SCN7A: variants seen among roughly 807,000 people sequenced by gnomAD.
SCN7A encodes the protein sodium voltage-gated channel alpha subunit 7.
SCN7A carries 138 observed loss-of-function variants against 155.2 expected under a neutral mutation model. That is an observed-to-expected ratio of 0.89 (90% CI 0.77 to 1.02). SCN7A has a LOEUF of 1.02. Among genes scored for constraint, SCN7A ranks in the 50% least tolerant of loss-of-function variants. SCN7A has a pLI of 0.00. For missense variants in SCN7A, 2,058 were observed against 1,986.6 expected (o/e 1.04, Z -0.68); for synonymous variants, 693 against 649.0 (o/e 1.07, Z -1.03).
chr2:166,419,282 C>A (rs1429770185), intron 20 of SCN7A, among the ~76,000 whole-genome samples: 3 of 151,222 alleles, frequency 2.0e-5, no homozygotes, highest in Non-Finnish European at 4.4e-5. Context: ...AGTAAATAGG[C>A]CCTCTGTAGT....
At chr2:166,481,076 A>G (rs1305958421) in intron 2 of SCN7A, among the ~76,000 whole-genome samples, 1 of 152,220 alleles carries the variant, frequency 6.6e-6, no homozygotes, top group African/African-American at 2.4e-5. Context: ...CAAGTTATCT[A>G]TATTCGATAT....
At chr2:166,428,024 C>A (rs1187673912) in intron 17 of SCN7A, 82 bp from the exon 18 acceptor site, 18 of 1,313,328 alleles carry the variant, frequency 1.4e-5, no homozygotes, top group South Asian at 1.3e-5. Flanking sequence ...CTATGTGCCA[C>A]AGCAATTATT....
chr2:166,432,710 A>G lies in SCN7A; in HGVS notation c.2200T>C (p.Cys734Arg), dbSNP rs762551594. The G allele has an allele frequency of 1.5e-5, 24 of 1,573,114 alleles. No individual in the cohort carries two copies. The highest frequency in any genetic ancestry group is 2.0e-5 in the Non-Finnish European group (23 of 1,164,414). Residue 734 changes from cysteine (C) to arginine (R), a missense_variant, in exon 16 of 26, where the codon TGC (cysteine) becomes CGC (arginine). Coordinates refer to ENST00000643258, the MANE Select transcript of SCN7A (RefSeq NM_002976.4). Reference protein sequence around the residue: ...FLALVSSFSSCKDVTAEENNE... With the variant: ...FLALVSSFSSRKDVTAEENNE... ...TTCTCTTCAGCTGTTACATCCTTGCATGAACTAAATGAGCTCACCAATGCC... is the reference window on the plus strand; with the variant it reads ...TTCTCTTCAGCTGTTACATCCTTGCGTGAACTAAATGAGCTCACCAATGCC...
intron 21 of SCN7A, among the ~76,000 whole-genome samples, chr2:166,414,079 ATATATGTAAATATATATAATATAT>A (rs1209200845): frequency 4.4e-5 from 2 of 44,996 alleles, no homozygotes; most frequent in Non-Finnish European, 1.0e-4. Flanking sequence ...ATATATGTAA[ATATATGTAAATATATATAATATAT>A]TATATATAAA....
chr2:166,439,051 G>GTATATA (rs1200483058), intron 15 of SCN7A, among the ~76,000 whole-genome samples: 1 of 67,496 alleles, frequency 1.5e-5, no homozygotes, highest in Non-Finnish European at 2.7e-5. Context: ...ATGTGTGTGT[G>GTATATA]TGTGTATATA....
chr2:166,435,583 G>A (rs928918711), intron 15 of SCN7A, among the ~76,000 whole-genome samples: 2 of 152,014 alleles, frequency 1.3e-5, no homozygotes, highest in African/African-American at 4.8e-5. Context: ...CAAGATTTAA[G>A]TAAGTACTTT....
Position 166,427,587 on chromosome 2 carries a change from T to G in SCN7A, c.2853+201A>C, listed in dbSNP as rs536412572. ...AATATATTAAAAATCAATATTAAATTTAATATTGAATGATGCATATATAAA... is the reference window on the plus strand; with the variant it reads ...AATATATTAAAAATCAATATTAAATGTAATATTGAATGATGCATATATAAA... On this transcript the variant is annotated intron_variant, in intron 18 of 25. Transcript: ENST00000643258. Among the ~76,000 whole-genome samples the G allele has an allele frequency of 3.9e-5, 6 of 152,140 alleles. 1 individual carries two copies. The South Asian group carries it at 1.2e-3, about 32-fold the overall frequency.
chr2:166,449,390 G>T (rs1702131698), intron 11 of SCN7A, among the ~76,000 whole-genome samples: 1 of 152,032 alleles, frequency 6.6e-6, no homozygotes, highest in African/African-American at 2.4e-5. Context: ...AATGGTTGAG[G>T]CTTGCCAATA....
At chr2:166,488,711 C>T (rs912978997) in intron 1 of SCN7A, among the ~76,000 whole-genome samples, 1 of 151,406 alleles carries the variant, frequency 6.6e-6, no homozygotes, top group Non-Finnish European at 1.5e-5. Flanking sequence ...AACCTTGGCT[C>T]ACTGCAACCT....
chr2:166,447,468 C>T, intron 12 of SCN7A, 144 bp downstream of exon 12: 1 of 541,772 alleles, frequency 1.8e-6, no homozygotes, highest in Non-Finnish European at 3.2e-6. Flanking sequence ...AATTTTTATA[C>T]ATGGTTTATC....
chr2:166,429,002 G>T (rs900630410), intron 17 of SCN7A, among the ~76,000 whole-genome samples, 167 bp downstream of exon 17: 1 of 151,944 alleles, frequency 6.6e-6, no homozygotes, highest in Non-Finnish European at 1.5e-5. Flanking sequence ...GCCTATAACT[G>T]TCAGAGGAAA....
At chr2:166,427,971 AATCTAGAAAAC>A in intron 17 of SCN7A, 29 bp from the exon 18 acceptor site, 1 of 1,605,676 alleles carries the variant, frequency 6.2e-7, no homozygotes. Flanking sequence ...TAAGAACAAC[AATCTAGAAAAC>A]TCATGAAAAA....
chr2:166,436,320 G>C (rs1420801746), intron 15 of SCN7A: 2 of 367,832 alleles, frequency 5.4e-6, no homozygotes, highest in Non-Finnish European at 1.1e-5. Context: ...CACAAGATCT[G>C]ATGGTTTTAT....
intron 2 of SCN7A, among the ~76,000 whole-genome samples, chr2:166,478,073 C>G (rs1446990040): frequency 6.6e-6 from 1 of 151,832 alleles, no homozygotes; most frequent in South Asian, 2.1e-4. Context: ...TAACAACTGA[C>G]TACACTTTTC....
chr2:166,413,147 T>C lies in SCN7A; in HGVS notation c.3415-26A>G, dbSNP rs745458393. 3.1e-5 allele frequency: 42 copies of C among 1,376,056 alleles called. No homozygotes were observed. The East Asian group carries it at 9.2e-4, about 30-fold the overall frequency. 85.2% of individuals were successfully genotyped at this position (1,376,056 alleles called of 1,614,324 possible). On this transcript the variant is annotated intron_variant, in intron 21 of 25. Transcript: ENST00000643258. Reference sequence around the variant, plus strand: ...CTGTAAAAATAAAATGCATTTAAAATTTATGCTTCCTGGCAAATAAAAAGT... The same window carrying C: ...CTGTAAAAATAAAATGCATTTAAAACTTATGCTTCCTGGCAAATAAAAAGT...
Position 166,456,827 on chromosome 2 carries a change from T to TATAGATAGATAG in SCN7A, c.1290+31_1290+42dup, listed in dbSNP as rs768632050. 3.3e-3 allele frequency: 2,111 copies of TATAGATAGATAG among 638,614 alleles called. 42 individuals carry two copies. The highest frequency in any genetic ancestry group is 0.012 in the South Asian group (544 of 44,976). 39.6% of individuals were successfully genotyped at this position (638,614 alleles called of 1,614,324 possible). A position where few individuals can be genotyped will look rare whatever the true frequency, so the allele number is the denominator to read the frequency against. On this transcript the variant is annotated intron_variant, in intron 11 of 25. Transcript: ENST00000643258. Reference sequence around the variant, plus strand: ...AAATATATATATATATATATATATATATAGATAGATAGATAGATAGATAGA... The same window carrying TATAGATAGATAG: ...AAATATATATATATATATATATATATATAGATAGATAGATAGATAGATAGATAGATAGATAGA...
At position 166,410,299 on chromosome 2, in the gene SCN7A, G is replaced by A. The variant is rs907331268; in HGVS notation, c.3632C>T (p.Thr1211Met). The stretch of plus-strand genomic sequence containing the variant: ...GCGGTACTGTTTTCTCTGTTTAACC[G>A]TTATAAAGATATTTGAGCCTCCCAG... ...IKLGGSNIFITVKQRKQYRRL... is the reference protein window; with the variant it reads ...IKLGGSNIFIMVKQRKQYRRL... Residue 1211 changes from threonine to methionine, a missense_variant, in exon 24 of 26, where the codon ACG becomes ATG. Physicochemically the swap from Thr to Met is moderately conservative, Grantham distance 81. Coordinates refer to ENST00000643258, the MANE Select transcript of SCN7A (RefSeq NM_002976.4). 9.0e-6 allele frequency: 14 copies of A among 1,547,672 alleles called. No individual in the cohort carries two copies. The highest frequency in any genetic ancestry group is 3.6e-5 in the South Asian group (3 of 82,660).
chr2:166,456,046 C>T (rs1210438921), intron 11 of SCN7A, among the ~76,000 whole-genome samples: 1 of 152,152 alleles, frequency 6.6e-6, no homozygotes, highest in African/African-American at 2.4e-5. Flanking sequence ...AATGAGTTCA[C>T]ATCCTTTGCA....
intron 22 of SCN7A, among the ~76,000 whole-genome samples, 172 bp downstream of exon 22, chr2:166,412,896 A>G (rs1487142551): frequency 6.6e-6 from 1 of 152,058 alleles, no homozygotes; most frequent in Non-Finnish European, 1.5e-5. Flanking sequence ...AAATGGACCT[A>G]TGGGGCCTCA....
Sources: gnomAD v4.1 joint callset for allele counts (sites outside exome capture counted in the v4.1 genomes callset) on GRCh38, gnomAD v4.1.1 for gene constraint, MANE v1.5 for transcripts, NCBI Gene and HGNC (gene_info 2026-07-23, HGNC 2026-07-21) for gene names.